THADA: variants seen among roughly 807,000 people sequenced by gnomAD.
THADA encodes tRNA (32-2'-O)-methyltransferase regulator THADA.
A neutral mutation model predicts 219.8 loss-of-function variants in THADA; 213 were observed. The observed-to-expected ratio is 0.97, with a 90% CI of 0.87 to 1.09. The LOEUF (loss-of-function observed/expected upper bound fraction) is 1.09, where lower values mean the gene tolerates loss of function less well. Ranked by LOEUF, THADA falls within the 50% of genes least tolerant of loss-of-function variation. The pLI is 0.00. For missense variants in THADA, 2,956 were observed against 2,311.3 expected, an observed-to-expected ratio of 1.28 and a Z score of -5.72; for synonymous variants, 1,018 against 828.9, an observed-to-expected ratio of 1.23 and a Z score of -3.92.
At chr2:43,356,545 T>C (rs1227617833) in intron 29 of THADA, among the ~76,000 whole-genome samples, 1 of 152,064 alleles carries the variant, frequency 6.6e-6, no homozygotes, top group Non-Finnish European at 1.5e-5. Flanking sequence ...AGGAACAAAA[T>C]TTGCAAATCA....
At chr2:43,459,892 T>G (rs1683424239) in intron 26 of THADA, among the ~76,000 whole-genome samples, 1 of 152,168 alleles carries the variant, frequency 6.6e-6, no homozygotes, top group Non-Finnish European at 1.5e-5. Flanking sequence ...AAAGTAGAAA[T>G]TTTATCAGTA....
At chr2:43,581,543 CAAA>C (rs397938497) in intron 8 of THADA, among the ~76,000 whole-genome samples, 195 bp downstream of exon 8, 2 of 67,678 alleles carry the variant, frequency 3.0e-5, no homozygotes. Context: ...GATTCGGTCT[CAAA>C]AAAAAAAAAA....
chr2:43,325,298 G>T (rs1679196512), intron 30 of THADA, among the ~76,000 whole-genome samples: 1 of 147,090 alleles, frequency 6.8e-6, no homozygotes, highest in South Asian at 2.2e-4. Context: ...GTGGCTGCAG[G>T]TTTTTTTTTT....
intron 36 of THADA, among the ~76,000 whole-genome samples, chr2:43,278,912 T>C (rs564041898): frequency 6.6e-6 from 1 of 152,306 alleles, no homozygotes; most frequent in South Asian, 2.1e-4. Context: ...TCAGCTTTGA[T>C]CCCTTGCCTC....
At chr2:43,593,120 G>C (rs1046522118) in intron 1 of THADA, among the ~76,000 whole-genome samples, 1 of 152,100 alleles carries the variant, frequency 6.6e-6, no homozygotes, top group Non-Finnish European at 1.5e-5. Flanking sequence ...GCAAATATTA[G>C]AGACTATAAT....
intron 9 of THADA, among the ~76,000 whole-genome samples, chr2:43,577,651 A>G (rs553523140): frequency 6.6e-6 from 1 of 152,160 alleles, no homozygotes; most frequent in Non-Finnish European, 1.5e-5. Context: ...AAAAGATAAA[A>G]TAAGTTTCCA....
At chr2:43,297,481 C>G (rs1675608533) in intron 31 of THADA, among the ~76,000 whole-genome samples, 3 of 113,784 alleles carry the variant, frequency 2.6e-5, no homozygotes, top group Admixed American at 7.6e-5. Flanking sequence ...GGCCAGCCGC[C>G]CCATCCGGGA....
chr2:43,509,868 T>C (rs1226837810), intron 22 of THADA, among the ~76,000 whole-genome samples: 1 of 152,206 alleles, frequency 6.6e-6, no homozygotes, highest in Non-Finnish European at 1.5e-5. Flanking sequence ...GGCTCTGTGA[T>C]TCTAAAGATT....
intron 30 of THADA, among the ~76,000 whole-genome samples, chr2:43,338,767 A>G (rs1303954253): frequency 1.3e-5 from 2 of 152,172 alleles, no homozygotes; most frequent in African/African-American, 4.8e-5. Context: ...TCATTCATCA[A>G]TGGACACCTG....
intron 28 of THADA, among the ~76,000 whole-genome samples, chr2:43,411,997 T>C (rs951666095): frequency 1.3e-5 from 2 of 152,164 alleles, no homozygotes; most frequent in African/African-American, 4.8e-5. Context: ...GGTGATGAGA[T>C]TTTAGCTGTG....
chr2:43,294,278 T>C (rs1675098427), intron 31 of THADA, among the ~76,000 whole-genome samples: 2 of 152,210 alleles, frequency 1.3e-5, no homozygotes, highest in Non-Finnish European at 2.9e-5. Flanking sequence ...TCACTGCCCT[T>C]AAGGAGTTTA....
chr2:43,232,722 G>T lies in THADA; in HGVS notation c.5457C>A (p.Ser1819Arg), dbSNP rs1367130749. The stretch of plus-strand genomic sequence containing the variant: ...GACACCCCGGGATCACCTGATGCAT[G>T]CTCTCCACACAGGCCACGAGGTCAT... The part of the protein sequence containing the change: ...ESDDLVACVE[S>R]MHQVEEDYLF... Residue 1819 changes from serine to arginine, a missense_variant, in exon 37 of 38, where the codon AGC becomes AGA. By Grantham distance (110) the Ser-to-Arg change is moderately radical. Transcript: ENST00000405975. 4 of 1,613,898 alleles carry T rather than the reference G, an allele frequency of 2.5e-6. No homozygotes were observed. The highest frequency in any genetic ancestry group is 3.4e-6 in the Non-Finnish European group (4 of 1,179,834).
rs142524837 is a variant in THADA, at chr2:43,399,996, C to T, written c.4059-1857G>A. Among the ~76,000 whole-genome samples, 107 of 152,318 alleles carry T rather than the reference C, an allele frequency of 7.0e-4. No individual in the cohort carries two copies. In the East Asian group the frequency reaches 0.014, roughly 20 times the overall value. On this transcript the variant is annotated intron_variant, in intron 28 of 37. Transcript: ENST00000405975. ...GCTTCCCCTTCTGTCTGTCCCCGAC[C>T]TCTCCAACACACACACTTTGTGTTA...
intron 30 of THADA, among the ~76,000 whole-genome samples, chr2:43,327,340 G>T (rs1679447389): frequency 6.6e-6 from 1 of 152,084 alleles, no homozygotes; most frequent in Admixed American, 6.6e-5. Context: ...CAGCACTGGA[G>T]TTAATGAAGC....
intron 26 of THADA, among the ~76,000 whole-genome samples, chr2:43,465,448 A>G (rs1684122595): frequency 6.6e-6 from 1 of 152,198 alleles, no homozygotes; most frequent in Non-Finnish European, 1.5e-5. Flanking sequence ...GCGTGGGTTA[A>G]GTGCCTCCTT....
chr2:43,560,154 G>A (rs1212577924), intron 16 of THADA, 80 bp downstream of exon 16: 10 of 1,262,932 alleles, frequency 7.9e-6, no homozygotes, highest in African/African-American at 3.0e-5. Flanking sequence ...CAAAGCACAT[G>A]AATAATCCTC....
At chr2:43,234,764 C>T (rs1269245323) in intron 36 of THADA, among the ~76,000 whole-genome samples, 1 of 152,116 alleles carries the variant, frequency 6.6e-6, no homozygotes, top group African/African-American at 2.4e-5. Context: ...AGCAATTCTC[C>T]TGCCTTAGCC....
At chr2:43,283,631 C>A (rs1673637307) in intron 35 of THADA, among the ~76,000 whole-genome samples, 1 of 152,198 alleles carries the variant, frequency 6.6e-6, no homozygotes, top group Non-Finnish European at 1.5e-5. Context: ...CCCTAGAGAT[C>A]TGTGGAACTT....
At chr2:43,537,322 T>C (rs1487845626) in intron 21 of THADA, among the ~76,000 whole-genome samples, 1 of 152,228 alleles carries the variant, frequency 6.6e-6, no homozygotes, top group Non-Finnish European at 1.5e-5. Context: ...CTCTATTGTA[T>C]TTCTAAGCCC....
Sources: gnomAD v4.1 joint callset for allele counts (sites outside exome capture counted in the v4.1 genomes callset) on GRCh38, gnomAD v4.1.1 for gene constraint, MANE v1.5 for transcripts, NCBI Gene and HGNC (gene_info 2026-07-23, HGNC 2026-07-21) for gene names.